RGS6: variants seen among roughly 807,000 people sequenced by gnomAD.
The protein encoded by RGS6 is regulator of G protein signaling 6.
RGS6 carries 30 observed loss-of-function variants against 78.5 expected under a neutral mutation model. That is an observed-to-expected ratio of 0.38 (90% CI 0.29 to 0.52). RGS6 has a LOEUF of 0.52. Among genes scored for constraint, RGS6 ranks in the 20% least tolerant of loss-of-function variants. RGS6 has a pLI of 0.85. For synonymous variants in RGS6, 206 were observed against 206.0 expected (o/e 1.00, Z 0.00); for missense variants, 495 against 609.7 (o/e 0.81, Z 1.98).
At chr14:72,031,401 G>A (rs116231041) in intron 2 of RGS6, among the ~76,000 whole-genome samples, 1 of 152,088 alleles carries the variant, frequency 6.6e-6, no homozygotes, top group African/African-American at 2.4e-5. Context: ...TAGAGTATAC[G>A]ATTTTTATTG....
chr14:72,251,822 C>A (rs1318621361), intron 2 of RGS6, among the ~76,000 whole-genome samples: 1 of 152,130 alleles, frequency 6.6e-6, no homozygotes, highest in Non-Finnish European at 1.5e-5. Context: ...ACAATATACC[C>A]ATGTAACAGA....
rs182286746 is a variant in RGS6, at chr14:72,082,370, T to G, written c.84+117495T>G. Among the ~76,000 whole-genome samples the G allele has an allele frequency of 9.2e-5, 14 of 152,300 alleles. No homozygotes were observed. The East Asian group carries it at 2.7e-3, about 29-fold the overall frequency. Reference sequence around the variant, plus strand: ...GAGTTCTTTTACCTCTTTGGTTATATTCATTCTTAGGTATTTTTTATTTGT... The same window carrying G: ...GAGTTCTTTTACCTCTTTGGTTATAGTCATTCTTAGGTATTTTTTATTTGT... On this transcript the variant is annotated intron_variant, in intron 2 of 17. Transcript: ENST00000553525.
intron 1 of RGS6, among the ~76,000 whole-genome samples, chr14:71,957,793 C>A (rs1334255425): frequency 6.6e-6 from 1 of 152,024 alleles, no homozygotes; most frequent in Admixed American, 6.6e-5. Context: ...AGAGATCAGT[C>A]CTCACCCTGT....
the RGS6 span, among the ~76,000 whole-genome samples, chr14:71,915,120 T>C: frequency 2.0e-5 from 3 of 150,420 alleles, no homozygotes; most frequent in Non-Finnish European, 4.4e-5. Flanking sequence ...TAGCCGGGCA[T>C]GGTGGCGTGT....
At chr14:72,623,008 A>G in the RGS6 span, among the ~76,000 whole-genome samples, 2 of 152,250 alleles carry the variant, frequency 1.3e-5, no homozygotes, top group Admixed American at 1.3e-4. Context: ...AGGAATGAAG[A>G]ATGTCTATAT....
chr14:72,590,816 A>G, the RGS6 span, among the ~76,000 whole-genome samples: 3 of 152,198 alleles, frequency 2.0e-5, no homozygotes, highest in Admixed American at 6.5e-5. Flanking sequence ...GAAAATACAG[A>G]AAGACATAAC....
At chr14:71,891,401 G>A in the RGS6 span, among the ~76,000 whole-genome samples, 1 of 152,208 alleles carries the variant, frequency 6.6e-6, no homozygotes, top group Non-Finnish European at 1.5e-5. Flanking sequence ...CTGTTGGCGA[G>A]GAGCTCAGCT....
chr14:71,873,493 G>T, the RGS6 span, among the ~76,000 whole-genome samples: 3 of 151,868 alleles, frequency 2.0e-5, no homozygotes, highest in African/African-American at 7.3e-5. Flanking sequence ...GGGGTTTTTT[G>T]ATTTTTTCTT....
intron 14 of RGS6, among the ~76,000 whole-genome samples, chr14:72,514,935 G>A (rs1021951977): frequency 2.6e-5 from 4 of 152,248 alleles, no homozygotes; most frequent in Admixed American, 2.6e-4. Context: ...AGCGGGGAAT[G>A]TGGCCTGGGC....
chr14:72,230,972 A>G (rs1456558659), intron 2 of RGS6, among the ~76,000 whole-genome samples: 1 of 152,230 alleles, frequency 6.6e-6, no homozygotes, highest in East Asian at 1.9e-4. Flanking sequence ...TCTGCATGAC[A>G]CTAGATGATC....
chr14:72,377,990 A>C (rs1473536938), intron 3 of RGS6, among the ~76,000 whole-genome samples: 2 of 152,166 alleles, frequency 1.3e-5, no homozygotes, highest in African/African-American at 2.4e-5. Flanking sequence ...TCTCCAAAAA[A>C]ATATTGAAAT....
intron 2 of RGS6, among the ~76,000 whole-genome samples, chr14:72,052,965 C>CTT (rs1306985011): frequency 4.5e-5 from 2 of 44,024 alleles, no homozygotes; most frequent in East Asian, 1.4e-3. Flanking sequence ...TTCTTTCTTT[C>CTT]TTTCTTTCTT....
the RGS6 span, among the ~76,000 whole-genome samples, chr14:72,622,332 A>G: frequency 6.6e-6 from 1 of 152,186 alleles, no homozygotes; most frequent in Non-Finnish European, 1.5e-5. Context: ...GAACAGTCAG[A>G]GAGGTGGGAT....
At chr14:72,169,857 C>A (rs1448482792) in intron 2 of RGS6, among the ~76,000 whole-genome samples, 1 of 152,192 alleles carries the variant, frequency 6.6e-6, no homozygotes, top group Non-Finnish European at 1.5e-5. Flanking sequence ...AATGCAGAAT[C>A]TTTAACCTTC....
At chr14:72,541,219 A>C in intron 17 of RGS6, 1 of 1,418,320 alleles carries the variant, frequency 7.1e-7, no homozygotes, top group Non-Finnish European at 9.3e-7. Context: ...TCCTTGTAAA[A>C]CCTGACTACT....
intron 3 of RGS6, among the ~76,000 whole-genome samples, chr14:72,439,861 A>C (rs1597530532): frequency 6.6e-6 from 1 of 152,150 alleles, no homozygotes; most frequent in East Asian, 1.9e-4. Context: ...CTGTCTGTCC[A>C]CCTTCTCCTA....
intron 2 of RGS6, among the ~76,000 whole-genome samples, chr14:72,294,868 A>G (rs1319181050): frequency 1.3e-5 from 2 of 152,200 alleles, no homozygotes; most frequent in Non-Finnish European, 2.9e-5. Context: ...ATGGGGGATT[A>G]CAACTAAAAT....
At chr14:72,097,152 T>G (rs2095425544) in intron 2 of RGS6, among the ~76,000 whole-genome samples, 1 of 152,170 alleles carries the variant, frequency 6.6e-6, no homozygotes, top group Non-Finnish European at 1.5e-5. Context: ...GAAGTAAACA[T>G]TAACTTAAAA....
intron 2 of RGS6, among the ~76,000 whole-genome samples, chr14:72,151,608 C>T (rs1227262028): frequency 6.6e-6 from 1 of 152,158 alleles, no homozygotes; most frequent in Non-Finnish European, 1.5e-5. Flanking sequence ...CCATTTTCCC[C>T]ACTCTTACAG....
Sources: allele counts gnomAD v4.1 joint callset (sites outside exome capture counted in the v4.1 genomes callset), GRCh38; gene constraint gnomAD v4.1.1; transcripts MANE v1.5; gene names NCBI Gene and HGNC (gene_info 2026-07-23, HGNC 2026-07-21).